The following KCTD1 variants were observed in gnomAD, a reference collection of about 807,000 sequenced individuals.
KCTD1 encodes the protein potassium channel tetramerization domain containing 1.
Under a neutral mutation model 66.0 loss-of-function variants are expected in KCTD1, and 24 were observed. The observed-to-expected ratio is 0.36, with a 90% CI of 0.26 to 0.51. The LOEUF (loss-of-function observed/expected upper bound fraction) is 0.51. Among genes scored for constraint, KCTD1 ranks in the 20% least tolerant of loss-of-function variants. KCTD1 has a pLI of 0.95. For synonymous variants in KCTD1, 511 were observed against 517.2 expected (o/e 0.99, Z 0.16); for missense variants, 943 against 1,205.2 (o/e 0.78, Z 3.22).
intron 1 of KCTD1, among the ~76,000 whole-genome samples, chr18:26,513,546 C>T (rs924872809): frequency 2.0e-5 from 3 of 152,158 alleles, no homozygotes; most frequent in South Asian, 4.1e-4. Context: ...AAACTCAGAA[C>T]GTTTTCCCGA....
At chr18:26,532,261 CTT>C (rs533359603) in intron 1 of KCTD1, among the ~76,000 whole-genome samples, 14 of 29,558 alleles carry the variant, frequency 4.7e-4, no homozygotes, top group South Asian at 1.6e-3. Flanking sequence ...TTCTTTCCTT[CTT>C]TTTTTTTTTT....
At chr18:26,626,202 A>G (rs1987497542) in intron 1 of KCTD1, among the ~76,000 whole-genome samples, 1 of 151,982 alleles carries the variant, frequency 6.6e-6, no homozygotes, top group Admixed American at 6.6e-5. Flanking sequence ...AGCCAACTCG[A>G]TTAGGACTTT....
intron 4 of KCTD1, 57 bp from the exon 5 acceptor site, chr18:26,455,958 T>TAAAC (rs971110091): frequency 4.5e-6 from 7 of 1,547,476 alleles, no homozygotes; most frequent in Non-Finnish European, 6.2e-6. Context: ...TATGGCTACA[T>TAAAC]AAACACCCCA....
intron 1 of KCTD1, among the ~76,000 whole-genome samples, chr18:26,517,658 CA>C (rs968619785): frequency 0.014 from 746 of 53,410 alleles, 2 homozygotes; most frequent in East Asian, 0.055. Context: ...ACTCCGTCTC[CA>C]AAAAAAAAAA....
chr18:26,603,447 G>C (rs1431542265), intron 1 of KCTD1, among the ~76,000 whole-genome samples: 1 of 127,550 alleles, frequency 7.8e-6, no homozygotes, highest in Non-Finnish European at 1.7e-5. Context: ...AAAAAAAAAA[G>C]ACTTAAATGT....
chr18:26,557,638 A>G (rs1985737678), intron 1 of KCTD1, among the ~76,000 whole-genome samples: 1 of 152,226 alleles, frequency 6.6e-6, no homozygotes, highest in African/African-American at 2.4e-5. Flanking sequence ...TAATACTAAT[A>G]TGACCACACT....
At chr18:26,630,865 C>A (rs1598975525), upstream of KCTD1, among the ~76,000 whole-genome samples, 1 of 152,302 alleles carries the variant, frequency 6.6e-6, no homozygotes, top group Non-Finnish European at 1.5e-5. Context: ...ATGAAGGATG[C>A]TTATCACCTC....
At chr18:26,589,912 T>C (rs1306202146) in intron 1 of KCTD1, among the ~76,000 whole-genome samples, 1 of 152,134 alleles carries the variant, frequency 6.6e-6, no homozygotes, top group African/African-American at 2.4e-5. Flanking sequence ...CATGAAGTCA[T>C]AACTACATGT....
At chr18:26,480,624 C>T (rs892085095) in intron 2 of KCTD1, among the ~76,000 whole-genome samples, 1 of 151,960 alleles carries the variant, frequency 6.6e-6, no homozygotes, top group Non-Finnish European at 1.5e-5. Context: ...AAAAATTAGC[C>T]GGGCGTGGTG....
intron 1 of KCTD1, among the ~76,000 whole-genome samples, chr18:26,517,154 G>A (rs531491966): frequency 3.3e-4 from 50 of 152,296 alleles, no homozygotes; most frequent in African/African-American, 1.1e-3. Flanking sequence ...AGGAGTGCTG[G>A]TAGTACTGAA....
At chr18:26,494,466 T>G (rs1279910836) in intron 2 of KCTD1, among the ~76,000 whole-genome samples, 3 of 152,194 alleles carry the variant, frequency 2.0e-5, no homozygotes, top group African/African-American at 7.2e-5. Context: ...CTCGAAGACT[T>G]TATGAGCTAG....
chr18:26,591,428 G>A (rs1395894227), intron 1 of KCTD1: 1 of 151,386 alleles, frequency 6.6e-6, no homozygotes, highest in East Asian at 1.9e-4. Context: ...ACAAGATAAA[G>A]CATGTTGCTC....
chr18:26,466,574 A>G (rs1460408445), intron 3 of KCTD1, among the ~76,000 whole-genome samples: 1 of 152,072 alleles, frequency 6.6e-6, no homozygotes, highest in Non-Finnish European at 1.5e-5. Context: ...TGAAAACCCT[A>G]TATTGCACAG....
At position 26,476,417 on chromosome 18, in the gene KCTD1, T is replaced by G; in HGVS notation, c.2133+98A>C. ...AAAGAGAACTCTGGCACCTTTCGAG[T>G]TGGTGTATGTTAATAATGTAGAACT... On this transcript the variant is annotated intron_variant, in intron 3 of 4. Transcript: ENST00000580059. The surrounding 1 kb of genome is among the most constrained non-coding windows in gnomAD (Gnocchi z 4.9). The G allele has an allele frequency of 2.7e-6, 3 of 1,129,508 alleles. No individual in the cohort carries two copies. Among genetic ancestry groups the G allele is most frequent in the Non-Finnish European group, 3.7e-6 (3 of 811,460 alleles). 70.0% of individuals were successfully genotyped at this position (1,129,508 alleles called of 1,614,324 possible).
chr18:26,651,858 T>C (rs898330968), intron 1 of KCTD1, among the ~76,000 whole-genome samples: 4 of 149,598 alleles, frequency 2.7e-5, no homozygotes, highest in Admixed American at 2.7e-4. Flanking sequence ...GGGTTGGCCA[T>C]AGGTGAACAA....
At chr18:26,554,724 C>G (rs985986564) in intron 1 of KCTD1, among the ~76,000 whole-genome samples, 13 of 152,168 alleles carry the variant, frequency 8.5e-5, no homozygotes, top group Non-Finnish European at 1.8e-4. Context: ...AACTACAATT[C>G]TAGGTCTTTC....
intron 1 of KCTD1, among the ~76,000 whole-genome samples, chr18:26,541,043 G>T (rs1984950120): frequency 6.6e-6 from 1 of 152,150 alleles, no homozygotes; most frequent in African/African-American, 2.4e-5. Context: ...AGAATGGGCT[G>T]GTGGAGTGGG....
chr18:26,578,056 TC>T (rs1338390515), intron 1 of KCTD1, among the ~76,000 whole-genome samples: 33 of 128,138 alleles, frequency 2.6e-4, no homozygotes, highest in African/African-American at 8.3e-4. Context: ...TTCTTTTCTT[TC>T]TTTTTTTTTT....
At chr18:26,608,604 T>A (rs1165630190) in intron 1 of KCTD1, among the ~76,000 whole-genome samples, 1 of 152,204 alleles carries the variant, frequency 6.6e-6, no homozygotes, top group East Asian at 1.9e-4. Flanking sequence ...CCCTCTGCAC[T>A]GTCACCCCCC....
Sources: allele counts gnomAD v4.1 joint callset (sites outside exome capture counted in the v4.1 genomes callset), GRCh38; gene constraint gnomAD v4.1.1; non-coding constraint Gnocchi (gnomAD v3.1); transcripts MANE v1.5; gene names NCBI Gene and HGNC (gene_info 2026-07-23, HGNC 2026-07-21).